Variants in TAFA4 observed in about 807,000 individuals in gnomAD.
The protein encoded by TAFA4 is chemokine-like protein TAFA-4.
In TAFA4, 20 loss-of-function variants were observed where a neutral mutation model predicts 21.1. That is an observed-to-expected ratio of 0.95 (90% CI 0.67 to 1.38). TAFA4 has a LOEUF of 1.38. Ranked by LOEUF, TAFA4 falls within the 40% of genes most tolerant of loss-of-function variation. TAFA4 has a pLI of 0.00. For synonymous variants in TAFA4, 71 were observed against 67.4 expected (o/e 1.05, Z -0.26); for missense variants, 211 against 180.9 (o/e 1.17, Z -0.95).
At chr3:68,916,455 C>A (rs1291847235) in intron 1 of TAFA4, among the ~76,000 whole-genome samples, 1 of 152,104 alleles carries the variant, frequency 6.6e-6, no homozygotes, top group Non-Finnish European at 1.5e-5. Context: ...TTTCCTTTCC[C>A]ATCACTCGGA....
chr3:68,812,081 A>T (rs546150869), intron 3 of TAFA4, among the ~76,000 whole-genome samples: 59 of 152,354 alleles, frequency 3.9e-4, no homozygotes, highest in Admixed American at 1.1e-3. Flanking sequence ...ACTAAGCTTC[A>T]TAAGTGAAGA....
intron 3 of TAFA4, among the ~76,000 whole-genome samples, chr3:68,852,987 A>C (rs942507488): frequency 6.6e-6 from 1 of 152,180 alleles, no homozygotes; most frequent in Non-Finnish European, 1.5e-5. Context: ...GTTCTGAAGT[A>C]ATTCCTCCTT....
At chr3:68,774,773 T>C (rs992261862) in intron 3 of TAFA4, among the ~76,000 whole-genome samples, 1 of 152,180 alleles carries the variant, frequency 6.6e-6, no homozygotes, top group East Asian at 1.9e-4. Context: ...TTTCATTTAG[T>C]AGTAAGAAAG....
chr3:68,771,781 T>C (rs1702963089), intron 3 of TAFA4, among the ~76,000 whole-genome samples: 2 of 152,346 alleles, frequency 1.3e-5, no homozygotes, highest in East Asian at 1.9e-4. Flanking sequence ...TGCCACAGCA[T>C]AATGAATGCT....
intron 4 of TAFA4, among the ~76,000 whole-genome samples, chr3:68,745,748 G>A (rs1702445754): frequency 6.6e-6 from 1 of 152,202 alleles, no homozygotes; most frequent in Admixed American, 6.5e-5. Flanking sequence ...TATTCATACA[G>A]TTACTTAGAT....
chr3:68,756,353 A>G (rs909526031), intron 3 of TAFA4, among the ~76,000 whole-genome samples: 2 of 152,344 alleles, frequency 1.3e-5, no homozygotes, highest in South Asian at 4.1e-4. Flanking sequence ...TTTCAGATAC[A>G]TCCATTTACA....
chr3:68,777,152 T>A (rs1476552976), intron 3 of TAFA4, among the ~76,000 whole-genome samples: 1 of 152,072 alleles, frequency 6.6e-6, no homozygotes, highest in African/African-American at 2.4e-5. Context: ...AGATTTTTTC[T>A]TATTTTTAAT....
intron 3 of TAFA4, 55 bp from the exon 4 acceptor site, chr3:68,753,073 C>T: frequency 6.5e-7 from 1 of 1,533,448 alleles, no homozygotes; most frequent in Non-Finnish European, 8.9e-7. Context: ...GGAAATGACA[C>T]CACCAAAACC....
chr3:68,762,731 C>T (rs539461214), intron 3 of TAFA4, among the ~76,000 whole-genome samples: 3 of 152,304 alleles, frequency 2.0e-5, no homozygotes, highest in Admixed American at 6.5e-5. Flanking sequence ...TGAAGAATCT[C>T]ATGAAGTCAA....
intron 1 of TAFA4, among the ~76,000 whole-genome samples, chr3:68,920,302 G>A (rs1483494820): frequency 6.6e-6 from 1 of 152,126 alleles, no homozygotes; most frequent in Non-Finnish European, 1.5e-5. Context: ...ACACAAGACT[G>A]TATATTTAGT....
intron 4 of TAFA4, among the ~76,000 whole-genome samples, chr3:68,739,447 A>G (rs1168036834): frequency 2.0e-5 from 3 of 152,238 alleles, no homozygotes; most frequent in Admixed American, 6.5e-5. Flanking sequence ...GTTGCTGTGA[A>G]GGTAAATTAG....
At chr3:68,829,973 A>G (rs144460818) in intron 3 of TAFA4, among the ~76,000 whole-genome samples, 2,148 of 152,150 alleles carry the variant, frequency 0.014, 45 homozygotes, top group African/African-American at 0.049. Context: ...GTTTATTTGC[A>G]TAGAGGTGTT....
chr3:68,900,240 TTAATAATAATAATAATAATAATAA>T (rs3048092), intron 1 of TAFA4, among the ~76,000 whole-genome samples: 11 of 132,840 alleles, frequency 8.3e-5, no homozygotes, highest in African/African-American at 2.8e-4. Flanking sequence ...AGACTCTCTC[TTAATAATAATAATAATAATAATAA>T]TAATAATAAT....
Position 68,928,589 on chromosome 3 carries a change from G to C in TAFA4, c.-123+3651C>G, listed in dbSNP as rs951214035. Among the ~76,000 whole-genome samples the C allele has an allele frequency of 5.9e-5, 9 of 152,072 alleles. No individual in the cohort carries two copies. In the East Asian group the frequency reaches 1.7e-3, roughly 29 times the overall value. The stretch of plus-strand genomic sequence containing the variant: ...TCGCCAGCTCCCCTTTAAACCTTTC[G>C]TTTATAACTGTGGATACTGTCGCAG... On this transcript the variant is annotated intron_variant, in intron 1 of 5. Coordinates refer to ENST00000295569, the MANE Select transcript of TAFA4 (RefSeq NM_182522.5).
intron 3 of TAFA4, among the ~76,000 whole-genome samples, chr3:68,858,429 G>C (rs548412513): frequency 6.6e-6 from 1 of 152,148 alleles, no homozygotes; most frequent in East Asian, 1.9e-4. Context: ...AAAGCAAAAT[G>C]TTACTTGCTT....
intron 3 of TAFA4, among the ~76,000 whole-genome samples, chr3:68,842,473 T>C (rs1044808654): frequency 1.6e-4 from 25 of 152,138 alleles, no homozygotes; most frequent in African/African-American, 5.8e-4. Flanking sequence ...ATTGCAAAAA[T>C]TTTCTCCCAT....
rs149771679 is a variant in TAFA4 at position 68,800,465 on chromosome 3, A to G, written c.131-47447T>C. Among the ~76,000 whole-genome samples, 453 of 152,362 alleles carry G rather than the reference A, an allele frequency of 3.0e-3. 2 individuals carry two copies. Among genetic ancestry groups the G allele is most frequent in the African/African-American group, 0.01 (432 of 41,586 alleles). ...CTGAGTATAAAACACATTTTCTTAC[A>G]GGGATTCTATCCCAGTCACTTACAG... is the stretch of plus-strand genomic sequence containing the variant. On this transcript the variant is annotated intron_variant, in intron 3 of 5. Coordinates refer to ENST00000295569, the MANE Select transcript of TAFA4 (RefSeq NM_182522.5).
At chr3:68,916,798 G>A (rs2090008380) in intron 1 of TAFA4, among the ~76,000 whole-genome samples, 2 of 152,132 alleles carry the variant, frequency 1.3e-5, no homozygotes, top group Admixed American at 1.3e-4. Flanking sequence ...ATAGCTGTTG[G>A]AGAACCAACT....
intron 1 of TAFA4, among the ~76,000 whole-genome samples, chr3:68,887,790 T>C (rs2089688113): frequency 6.6e-6 from 1 of 152,118 alleles, no homozygotes; most frequent in Non-Finnish European, 1.5e-5. Flanking sequence ...CCTCTTGAAA[T>C]CTTGCCCTCA....
Sources: allele counts gnomAD v4.1 joint callset (sites outside exome capture counted in the v4.1 genomes callset), GRCh38; gene constraint gnomAD v4.1.1; transcripts MANE v1.5; gene names NCBI Gene and HGNC (gene_info 2026-07-23, HGNC 2026-07-21).